Variants in CCDC68 observed in about 807,000 individuals in gnomAD.
CCDC68 encodes coiled-coil domain-containing protein 68.
A neutral mutation model predicts 47.1 loss-of-function variants in CCDC68; 45 were observed. The ratio of observed to expected loss-of-function variants is 0.96; its 90% CI spans 0.75 to 1.23. The LOEUF is 1.23. CCDC68 is among the 50% of genes most tolerant of loss of function. The probability of loss-of-function intolerance (pLI) is 0.00; values close to 1 mark genes in which losing one functional copy is unlikely to be tolerated. For missense variants in CCDC68, 353 were observed against 373.6 expected, an observed-to-expected ratio of 0.94 and a Z score of 0.45; for synonymous variants, 131 against 129.5, an observed-to-expected ratio of 1.01 and a Z score of -0.08.
chr18:54,928,096 G>A (rs554635106), intron 8 of CCDC68, among the ~76,000 whole-genome samples: 2 of 151,922 alleles, frequency 1.3e-5, no homozygotes, highest in South Asian at 2.1e-4. Context: ...TAATTATATC[G>A]GAACATACAA....
chr18:54,940,123 C>T (rs147485759), intron 4 of CCDC68, among the ~76,000 whole-genome samples: 4 of 152,252 alleles, frequency 2.6e-5, no homozygotes, highest in Non-Finnish European at 5.9e-5. Flanking sequence ...TCCACACTCA[C>T]TCACTTGGTA....
chr18:54,908,235 T>G (rs1168306470), intron 10 of CCDC68, among the ~76,000 whole-genome samples: 1 of 152,242 alleles, frequency 6.6e-6, no homozygotes, highest in Non-Finnish European at 1.5e-5. Context: ...GTCTTTCTTT[T>G]GCGATCTCTT....
chr18:54,924,799 C>T (rs2044118771), intron 8 of CCDC68, among the ~76,000 whole-genome samples: 1 of 152,164 alleles, frequency 6.6e-6, no homozygotes, highest in Non-Finnish European at 1.5e-5. Flanking sequence ...TCTCTCCCTC[C>T]ACTCCTCACA....
At chr18:54,948,952 CA>C (rs1477785248) in intron 1 of CCDC68, among the ~76,000 whole-genome samples, 1 of 152,164 alleles carries the variant, frequency 6.6e-6, no homozygotes, top group Admixed American at 6.5e-5. Flanking sequence ...AATGGGAAAG[CA>C]AGAGCAGAGG....
intron 9 of CCDC68, among the ~76,000 whole-genome samples, chr18:54,918,926 C>G (rs1356573000): frequency 1.3e-5 from 2 of 152,132 alleles, no homozygotes; most frequent in Non-Finnish European, 1.5e-5. Context: ...GTTATGAAAA[C>G]AGATCATTTC....
intron 7 of CCDC68, among the ~76,000 whole-genome samples, chr18:54,930,617 T>TTCCCC (rs2044226433): frequency 1.2e-5 from 1 of 81,700 alleles, no homozygotes; most frequent in South Asian, 5.4e-4. Context: ...CTTCCTTCCC[T>TTCCCC]TCCCTTCCCC....
At chr18:54,944,937 G>T (rs1167634107) in intron 2 of CCDC68, among the ~76,000 whole-genome samples, 7 of 152,092 alleles carry the variant, frequency 4.6e-5, no homozygotes, top group Non-Finnish European at 8.8e-5. Flanking sequence ...ATCTTGTTTG[G>T]ATTTTGATTC....
intron 9 of CCDC68, 121 bp downstream of exon 9, chr18:54,919,150 A>G: frequency 1.4e-6 from 1 of 733,094 alleles, no homozygotes; most frequent in Non-Finnish European, 2.4e-6. Context: ...GAGAAACAAA[A>G]AAGGATATGT....
chr18:54,937,878 C>T, intron 5 of CCDC68, 79 bp downstream of exon 5: 1 of 1,305,398 alleles, frequency 7.7e-7, no homozygotes, highest in Non-Finnish European at 1.1e-6. Flanking sequence ...TCTGCTTTTA[C>T]AGAGCCACAG....
chr18:54,919,829 G>A (rs1471864042), intron 8 of CCDC68, among the ~76,000 whole-genome samples: 2 of 151,986 alleles, frequency 1.3e-5, no homozygotes, highest in African/African-American at 2.4e-5. Flanking sequence ...CTAATGATTC[G>A]GGCTTAGTAT....
intron 8 of CCDC68, among the ~76,000 whole-genome samples, chr18:54,926,453 T>A (rs1458882202): frequency 6.6e-6 from 1 of 152,202 alleles, no homozygotes; most frequent in Non-Finnish European, 1.5e-5. Flanking sequence ...ACCGCCCCCA[T>A]GGTTCAATTA....
chr18:54,946,241 C>G (rs186985370), intron 1 of CCDC68, among the ~76,000 whole-genome samples: 5 of 152,110 alleles, frequency 3.3e-5, no homozygotes, highest in Non-Finnish European at 7.3e-5. Flanking sequence ...GTCGCTTTGG[C>G]GCCACAAACA....
At chr18:54,943,007 T>A (rs2145591688) in intron 2 of CCDC68, 1 of 371,420 alleles carries the variant, frequency 2.7e-6, no homozygotes, top group South Asian at 3.9e-5. Flanking sequence ...TAATTAAAAA[T>A]TTAACATTTA....
intron 10 of CCDC68, among the ~76,000 whole-genome samples, chr18:54,916,252 G>A (rs551724912): frequency 1.3e-5 from 2 of 152,270 alleles, no homozygotes; most frequent in East Asian, 3.9e-4. Context: ...GAGGGCGAGA[G>A]TCTAAAGACA....
At chr18:54,942,216 T>C (rs2044450101) in intron 3 of CCDC68, among the ~76,000 whole-genome samples, 1 of 152,230 alleles carries the variant, frequency 6.6e-6, no homozygotes, top group South Asian at 2.1e-4. Flanking sequence ...TTTAATGAAG[T>C]GATATGCCAA....
chr18:54,946,451 C>G (rs1432457230), intron 1 of CCDC68, among the ~76,000 whole-genome samples: 1 of 152,106 alleles, frequency 6.6e-6, no homozygotes, highest in African/African-American at 2.4e-5. Context: ...AGTACAGTAC[C>G]CTGGATCTAC....
At chr18:54,943,836 A>G (rs528954356) in intron 2 of CCDC68, among the ~76,000 whole-genome samples, 55 of 152,288 alleles carry the variant, frequency 3.6e-4, no homozygotes, top group South Asian at 8.3e-4. Flanking sequence ...AAAAGAAAAA[A>G]TAAAATATAC....
Position 54,948,974 on chromosome 18 carries a change from C to T in CCDC68, c.-102-3497G>A, listed in dbSNP as rs564427957. 6.6e-5 allele frequency among the ~76,000 whole-genome samples: 10 copies of T among 152,190 alleles called. No homozygotes were observed. The South Asian group carries it at 2.1e-3, about 32-fold the overall frequency. Reference sequence around the variant, plus strand: ...AAGCAAGAGCAGAGGCTGGCAGGTGCCTAGAGCAGTGTTTTTGTTTGTTTG... The same window carrying T: ...AAGCAAGAGCAGAGGCTGGCAGGTGTCTAGAGCAGTGTTTTTGTTTGTTTG... On this transcript the variant is annotated intron_variant, in intron 1 of 11. Coordinates refer to ENST00000591504, the MANE Select transcript of CCDC68 (RefSeq NM_025214.3).
chr18:54,919,663 A>G (rs370847028), intron 8 of CCDC68, among the ~76,000 whole-genome samples: 1 of 152,360 alleles, frequency 6.6e-6, no homozygotes, highest in East Asian at 1.9e-4. Flanking sequence ...TATATTCAGT[A>G]CGATAAAGCA....
Sources: allele counts gnomAD v4.1 joint callset (sites outside exome capture counted in the v4.1 genomes callset), GRCh38; gene constraint gnomAD v4.1.1; transcripts MANE v1.5; gene names NCBI Gene and HGNC (gene_info 2026-07-23, HGNC 2026-07-21).